NDUFAF6: variants seen among roughly 807,000 people sequenced by gnomAD.
NDUFAF6 encodes NADH:ubiquinone oxidoreductase complex assembly factor 6.
In NDUFAF6, 45 loss-of-function variants were observed where a neutral mutation model predicts 40.8. The ratio of observed to expected loss-of-function variants is 1.10; its 90% CI spans 0.87 to 1.42. The LOEUF is 1.42. NDUFAF6 is among the 40% of genes most tolerant of loss of function. The pLI, the probability that NDUFAF6 is intolerant of heterozygous loss-of-function variation, is 0.00. For synonymous variants in NDUFAF6, 185 were observed against 155.9 expected (o/e 1.19, Z -1.39); for missense variants, 435 against 418.5 (o/e 1.04, Z -0.34).
At chr8:94,961,341 A>G (rs985455439) in intron 1 of NDUFAF6, among the ~76,000 whole-genome samples, 1 of 152,270 alleles carries the variant, frequency 6.6e-6, no homozygotes, top group African/African-American at 2.4e-5. Context: ...CTAATGACTT[A>G]CAGTTTCAAC....
At chr8:94,939,787 G>C (rs1821343261) in intron 1 of NDUFAF6, 1 of 1,550,452 alleles carries the variant, frequency 6.4e-7, no homozygotes, top group African/African-American at 1.4e-5. Context: ...TAATAACTTA[G>C]CTTTGAATTA....
chr8:95,086,763 G>A (rs1272443676), intron 2 of NDUFAF6, among the ~76,000 whole-genome samples: 1 of 151,900 alleles, frequency 6.6e-6, no homozygotes, highest in African/African-American at 2.4e-5. Flanking sequence ...CACCACGCCC[G>A]GCTAATTTTT....
chr8:95,077,188 T>A (rs1203032476), downstream of NDUFAF6, among the ~76,000 whole-genome samples: 1 of 152,194 alleles, frequency 6.6e-6, no homozygotes, highest in Non-Finnish European at 1.5e-5. Flanking sequence ...AGGAATAAAT[T>A]TCTGTTTAGA....
chr8:95,016,894 T>G (rs1021763613), intron 2 of NDUFAF6, among the ~76,000 whole-genome samples: 5 of 150,854 alleles, frequency 3.3e-5, no homozygotes, highest in Non-Finnish European at 5.9e-5. Context: ...ATCTGGTGCC[T>G]CCTCCTCCTC....
upstream of NDUFAF6, among the ~76,000 whole-genome samples, chr8:94,957,366 G>A (rs529182817): frequency 7.2e-5 from 11 of 152,314 alleles, no homozygotes; most frequent in Non-Finnish European, 1.3e-4. Context: ...GGATCAAGGA[G>A]CTAGGGAGAG....
Position 95,025,121 on chromosome 8 carries a change from G to A in NDUFAF6, c.113G>A (p.Gly38Glu). The change falls in exon 1 of 9, where the codon GGG becomes GAG. Residue 38 changes from glycine (G) to glutamate (E), a missense_variant. Transcript: ENST00000396124. ...GLYARMRRLP[G>E]PEVSGRSVAA... Reference sequence around the variant, plus strand: ...TACGCGCGCATGCGGCGGCTGCCCGGGCCGGAGGTGTCTGGGCGGAGCGTG... The same window carrying A: ...TACGCGCGCATGCGGCGGCTGCCCGAGCCGGAGGTGTCTGGGCGGAGCGTG... 1 of 1,482,342 alleles carries A rather than the reference G, an allele frequency of 6.7e-7. No individual in the cohort carries two copies. The highest frequency in any genetic ancestry group is 1.3e-5 in the South Asian group (1 of 77,842). The allele number at this position is 1,482,342 out of a possible 1,614,324, so 91.8% of individuals were successfully genotyped here.
intron 1 of NDUFAF6, among the ~76,000 whole-genome samples, chr8:94,908,501 C>G (rs1818530441): frequency 6.6e-6 from 1 of 152,154 alleles, no homozygotes; most frequent in Non-Finnish European, 1.5e-5. Flanking sequence ...TCCCAAGTAG[C>G]TGGGACTACA....
downstream of NDUFAF6, among the ~76,000 whole-genome samples, chr8:95,080,102 G>A (rs1415363727): frequency 1.3e-5 from 1 of 79,272 alleles, no homozygotes; most frequent in African/African-American, 5.7e-5. Context: ...TTTTTGTAGT[G>A]TATTTTTTGT....
chr8:95,049,678 C>G (rs1472627726), intron 7 of NDUFAF6, among the ~76,000 whole-genome samples: 1 of 152,140 alleles, frequency 6.6e-6, no homozygotes, highest in African/African-American at 2.4e-5. Context: ...TACCCCACCT[C>G]CACTCCAGTT....
chr8:94,932,791 A>G (rs902134467), intron 1 of NDUFAF6, among the ~76,000 whole-genome samples: 6 of 152,228 alleles, frequency 3.9e-5, no homozygotes, highest in African/African-American at 9.6e-5. Flanking sequence ...CGAAGGAGCG[A>G]GACTCCGTCT....
At chr8:95,006,381 GAAAA>G (rs1826985617) in intron 2 of NDUFAF6, among the ~76,000 whole-genome samples, 5 of 138,622 alleles carry the variant, frequency 3.6e-5, no homozygotes, top group African/African-American at 5.3e-5. Flanking sequence ...AAAAAAGAAA[GAAAA>G]GAAAAAGAAA....
chr8:95,109,553 A>G (rs886079727), intron 4 of NDUFAF6, among the ~76,000 whole-genome samples: 2 of 150,154 alleles, frequency 1.3e-5, no homozygotes, highest in African/African-American at 2.5e-5. Context: ...AGAAAATGTA[A>G]TCATAGATAG....
chr8:94,954,235 G>A (rs758910404), upstream of NDUFAF6, among the ~76,000 whole-genome samples: 4 of 151,984 alleles, frequency 2.6e-5, no homozygotes, highest in Non-Finnish European at 5.9e-5. Context: ...GCTAATTTTC[G>A]TGTTTTTAGT....
chr8:94,941,919 C>A (rs566716422), intron 1 of NDUFAF6, among the ~76,000 whole-genome samples: 2 of 151,984 alleles, frequency 1.3e-5, no homozygotes, highest in African/African-American at 2.4e-5. Flanking sequence ...AAACACATAC[C>A]AAAGATAGGT....
At chr8:94,953,211 G>T (rs1822772479), upstream of NDUFAF6, among the ~76,000 whole-genome samples, 1 of 152,286 alleles carries the variant, frequency 6.6e-6, no homozygotes, top group Admixed American at 6.5e-5. Flanking sequence ...GCTGGTCATG[G>T]TGGTGCATTC....
upstream of NDUFAF6, among the ~76,000 whole-genome samples, chr8:95,099,766 T>C (rs566017311): frequency 6.6e-6 from 1 of 152,286 alleles, no homozygotes; most frequent in South Asian, 2.1e-4. Context: ...TTACCGGGGC[T>C]TGGTGGGGGC....
intron 1 of NDUFAF6, among the ~76,000 whole-genome samples, chr8:94,939,042 T>G (rs1225327747): frequency 3.3e-5 from 5 of 152,180 alleles, no homozygotes; most frequent in Non-Finnish European, 7.4e-5. Flanking sequence ...GAGGACTGTT[T>G]GCCTGGTGTG....
chr8:95,104,891 T>C (rs142247884), downstream of NDUFAF6, among the ~76,000 whole-genome samples: 398 of 152,218 alleles, frequency 2.6e-3, 1 homozygote, highest in African/African-American at 9.3e-3. Flanking sequence ...AGAGTTTCTC[T>C]CTGAGAGAAT....
intron 2 of NDUFAF6, among the ~76,000 whole-genome samples, chr8:95,006,544 T>C (rs917967646): frequency 1.3e-5 from 2 of 152,112 alleles, no homozygotes; most frequent in African/African-American, 4.8e-5. Context: ...GACATGCTAT[T>C]GTTATAAGTT....
Sources: gnomAD v4.1 joint callset for allele counts (sites outside exome capture counted in the v4.1 genomes callset) on GRCh38, gnomAD v4.1.1 for gene constraint, MANE v1.5 for transcripts, NCBI Gene and HGNC (gene_info 2026-07-23, HGNC 2026-07-21) for gene names.